ST6GALNAC5: variants seen among roughly 807,000 people sequenced by gnomAD.
ST6GALNAC5 encodes the protein alpha-N-acetylgalactosaminide alpha-2,6-sialyltransferase 5.
ST6GALNAC5 carries 27 observed loss-of-function variants against 33.6 expected under a neutral mutation model. The ratio of observed to expected loss-of-function variants is 0.80; its 90% CI spans 0.59 to 1.11. The LOEUF (loss-of-function observed/expected upper bound fraction) is 1.11, where lower values mean the gene tolerates loss of function less well. Ranked by LOEUF, ST6GALNAC5 falls within the 50% of genes least tolerant of loss-of-function variation. ST6GALNAC5 has a pLI of 0.00. For missense variants in ST6GALNAC5, 428 were observed against 454.0 expected, an observed-to-expected ratio of 0.94 and a Z score of 0.52; for synonymous variants, 194 against 171.2, an observed-to-expected ratio of 1.13 and a Z score of -1.04.
intron 2 of ST6GALNAC5, among the ~76,000 whole-genome samples, chr1:77,033,786 G>C (rs964158871): frequency 6.6e-6 from 1 of 152,198 alleles, no homozygotes; most frequent in Admixed American, 6.5e-5. Flanking sequence ...AGGGAAATCA[G>C]CCAGGCCGGA....
Position 76,867,558 on chromosome 1 carries a change from C to A in ST6GALNAC5, c.-118C>A. 2 of 1,552,058 alleles carry A rather than the reference C, an allele frequency of 1.3e-6. No individual in the cohort carries two copies. The highest frequency in any genetic ancestry group is 1.4e-5 in the African/African-American group (1 of 73,556). On this transcript the variant is annotated 5_prime_UTR_variant, in exon 1 of 5. Coordinates refer to ENST00000477717, the MANE Select transcript of ST6GALNAC5 (RefSeq NM_030965.3). ...GCTCCCGCGCGCGATCTGCCGCGGCCGGCTGCTGGGCAAAAATCAGAGCCG... is the reference window on the plus strand; with the variant it reads ...GCTCCCGCGCGCGATCTGCCGCGGCAGGCTGCTGGGCAAAAATCAGAGCCG...
chr1:76,887,393 T>A (rs1653921973), intron 2 of ST6GALNAC5, among the ~76,000 whole-genome samples: 1 of 152,188 alleles, frequency 6.6e-6, no homozygotes, highest in Non-Finnish European at 1.5e-5. Flanking sequence ...GAAGTCTAAG[T>A]CTGTTTTTGT....
chr1:76,950,700 G>T (rs1489529570), intron 2 of ST6GALNAC5, among the ~76,000 whole-genome samples: 2 of 152,100 alleles, frequency 1.3e-5, no homozygotes, highest in African/African-American at 4.8e-5. Context: ...GATTGAATGG[G>T]TTAGAGGAGG....
chr1:76,972,584 T>C (rs1648807214), intron 2 of ST6GALNAC5, among the ~76,000 whole-genome samples: 1 of 152,228 alleles, frequency 6.6e-6, no homozygotes, highest in East Asian at 1.9e-4. Context: ...GTCCCTTACT[T>C]ATAACATTTT....
intron 2 of ST6GALNAC5, among the ~76,000 whole-genome samples, chr1:77,032,547 T>A (rs1289927392): frequency 1.3e-5 from 2 of 152,150 alleles, no homozygotes; most frequent in Non-Finnish European, 2.9e-5. Context: ...ATGGCTCTCT[T>A]TATATCTGTA....
chr1:76,915,867 A>G (rs573010434), intron 2 of ST6GALNAC5, among the ~76,000 whole-genome samples: 1 of 140,248 alleles, frequency 7.1e-6, no homozygotes, highest in South Asian at 2.2e-4. Context: ...AAAAAGAATG[A>G]AAAATAACAA....
At chr1:77,014,023 C>A (rs1650734970) in intron 2 of ST6GALNAC5, among the ~76,000 whole-genome samples, 1 of 152,192 alleles carries the variant, frequency 6.6e-6, no homozygotes, top group African/African-American at 2.4e-5. Flanking sequence ...CTATCCCTTC[C>A]ATTTACTTAA....
intron 2 of ST6GALNAC5, among the ~76,000 whole-genome samples, chr1:76,987,629 C>T (rs992760650): frequency 2.5e-4 from 38 of 152,098 alleles, no homozygotes; most frequent in Admixed American, 1.3e-4. Context: ...CACACAAAAG[C>T]TTTTGTATGA....
At position 77,044,721 on chromosome 1, in the gene ST6GALNAC5, T is replaced by C. The variant is rs1651952205; in HGVS notation, c.671+108T>C. The stretch of plus-strand genomic sequence containing the variant: ...TACAGGCTTTTGTTGTGGGCTCCAC[T>C]GCTCATGTCATTGCTAGAGTTCACT... On this transcript the variant is annotated intron_variant, in intron 3 of 4. Transcript: ENST00000477717. The C allele has an allele frequency of 3.0e-6, 4 of 1,338,628 alleles. No homozygotes were observed. In the African/African-American group the frequency reaches 4.4e-5, roughly 15 times the overall value. 82.9% of individuals were successfully genotyped at this position (1,338,628 alleles called of 1,614,324 possible). A position where few individuals can be genotyped will look rare whatever the true frequency, so the allele number is the denominator to read the frequency against.
chr1:76,946,963 C>T (rs953683459), intron 2 of ST6GALNAC5, among the ~76,000 whole-genome samples: 1 of 137,220 alleles, frequency 7.3e-6, no homozygotes, highest in African/African-American at 2.8e-5. Flanking sequence ...AAATACTAAG[C>T]GAATGAAACA....
intron 2 of ST6GALNAC5, among the ~76,000 whole-genome samples, chr1:76,957,691 C>A (rs1292689278): frequency 1.4e-5 from 2 of 144,628 alleles, no homozygotes; most frequent in Non-Finnish European, 3.0e-5. Flanking sequence ...AATACTTCAG[C>A]TGCTGGTATC....
intron 3 of ST6GALNAC5, among the ~76,000 whole-genome samples, chr1:77,049,368 T>C (rs1217497253): frequency 1.3e-5 from 2 of 152,138 alleles, no homozygotes; most frequent in Non-Finnish European, 2.9e-5. Flanking sequence ...ATGCCGTAAG[T>C]ACTGAAGGAA....
chr1:76,971,304 G>A (rs1450004340), intron 2 of ST6GALNAC5, among the ~76,000 whole-genome samples: 2 of 152,144 alleles, frequency 1.3e-5, no homozygotes, highest in Non-Finnish European at 2.9e-5. Context: ...ATGGCCGTGA[G>A]GTAGGAACCA....
intron 2 of ST6GALNAC5, among the ~76,000 whole-genome samples, chr1:76,935,338 A>G (rs1270845098): frequency 6.6e-6 from 1 of 152,050 alleles, no homozygotes; most frequent in Non-Finnish European, 1.5e-5. Flanking sequence ...TTCCTTGTTA[A>G]TGTTATCCCT....
intron 2 of ST6GALNAC5, among the ~76,000 whole-genome samples, chr1:76,944,459 C>G (rs190477348): frequency 2.3e-4 from 35 of 152,140 alleles, no homozygotes; most frequent in Admixed American, 2.0e-3. Flanking sequence ...ATGGCCCCCT[C>G]TCTATTCCCT....
intron 2 of ST6GALNAC5, among the ~76,000 whole-genome samples, chr1:76,945,691 G>A (rs1647493348): frequency 6.6e-6 from 1 of 152,046 alleles, no homozygotes; most frequent in Non-Finnish European, 1.5e-5. Flanking sequence ...TAAGCACCTT[G>A]GTTTAAAAAG....
intron 2 of ST6GALNAC5, among the ~76,000 whole-genome samples, chr1:76,999,198 T>G (rs1028825601): frequency 2.0e-5 from 3 of 152,130 alleles, no homozygotes; most frequent in African/African-American, 7.2e-5. Context: ...CCTTGTAGCG[T>G]GTTGTGTTTT....
Position 76,921,337 on chromosome 1 carries a change from G to C in ST6GALNAC5, c.261+52595G>C, listed in dbSNP as rs181162331. Among the ~76,000 whole-genome samples, 223 of 152,150 alleles carry C rather than the reference G, an allele frequency of 1.5e-3. 1 individual carries two copies. Among genetic ancestry groups the C allele is most frequent in the Non-Finnish European group, 3.0e-3 (203 of 67,998 alleles). On this transcript the variant is annotated intron_variant, in intron 2 of 4. Coordinates refer to ENST00000477717, the MANE Select transcript of ST6GALNAC5 (RefSeq NM_030965.3). ...AAGGGGCTCTTCTTTTCCCCTCTTG[G>C]GGACTGATCTTCAGTACAAAGAAAA...
chr1:76,999,864 C>A (rs1180717456), intron 2 of ST6GALNAC5, among the ~76,000 whole-genome samples: 1 of 133,644 alleles, frequency 7.5e-6, no homozygotes, highest in Non-Finnish European at 1.7e-5. Flanking sequence ...TATATATGTG[C>A]CACATTTACT....
Sources: gnomAD v4.1 joint callset for allele counts (sites outside exome capture counted in the v4.1 genomes callset) on GRCh38, gnomAD v4.1.1 for gene constraint, MANE v1.5 for transcripts, NCBI Gene and HGNC (gene_info 2026-07-23, HGNC 2026-07-21) for gene names.